The following KAZN variants were observed in gnomAD, a reference collection of about 807,000 sequenced individuals.
KAZN encodes kazrin.
In KAZN, 40 loss-of-function variants were observed where a neutral mutation model predicts 87.4. The ratio of observed to expected loss-of-function variants is 0.46; its 90% CI spans 0.36 to 0.60. The LOEUF is 0.60. Ranked by LOEUF, KAZN falls within the 20% of genes least tolerant of loss-of-function variation. The pLI, the probability that KAZN is intolerant of heterozygous loss-of-function variation, is 0.00. For missense variants in KAZN, 898 were observed against 1,073.9 expected (o/e 0.84, Z 2.29); for synonymous variants, 466 against 458.3 (o/e 1.02, Z -0.22).
At chr1:15,107,954 G>C (rs985498740) in intron 13 of KAZN, among the ~76,000 whole-genome samples, 5 of 152,180 alleles carry the variant, frequency 3.3e-5, no homozygotes, top group African/African-American at 1.2e-4. Context: ...GGCAGTAACT[G>C]AGAGCTTCTG....
At chr1:14,547,963 C>T (rs191502506) in intron 2 of KAZN, among the ~76,000 whole-genome samples, 126 of 151,628 alleles carry the variant, frequency 8.3e-4, no homozygotes, top group African/African-American at 3.0e-3. Context: ...ATTTTGGATT[C>T]CCTGGGCCAC....
rs1338776154 is a variant in KAZN, at chr1:14,681,613, GTATATATATATATATATATA to G, written c.226+82416_226+82435del. On this transcript the variant is annotated intron_variant, in intron 1 of 14. Transcript: ENST00000376030. ...TTTAACTATATATATATGTATATGT[GTATATATATATATATATATA>G]TATATATATATATATATATATATAT... Among the ~76,000 whole-genome samples, 262 of 29,066 alleles carry G rather than the reference GTATATATATATATATATATA, an allele frequency of 9.0e-3. 1 individual carries two copies. Among genetic ancestry groups the G allele is most frequent in the South Asian group, 0.052 (35 of 676 alleles). The allele number at this position is 29,066 out of a possible 152,430, so 19.1% of individuals were successfully genotyped here. A position where few individuals can be genotyped will look rare whatever the true frequency, so the allele number is the denominator to read the frequency against.
At chr1:14,278,294 T>C (rs1358682578) in intron 2 of KAZN, among the ~76,000 whole-genome samples, 1 of 148,674 alleles carries the variant, frequency 6.7e-6, no homozygotes, top group Non-Finnish European at 1.5e-5. Flanking sequence ...CTGATTCCTT[T>C]TTTTTTTTTT....
chr1:14,065,511 G>A (rs1642972753), intron 1 of KAZN, among the ~76,000 whole-genome samples: 1 of 150,296 alleles, frequency 6.7e-6, no homozygotes, highest in African/African-American at 2.5e-5. Flanking sequence ...TTCTAAGCAC[G>A]CATAAGCTAC....
chr1:14,215,279 A>G (rs1646935942), intron 2 of KAZN, among the ~76,000 whole-genome samples: 2 of 152,190 alleles, frequency 1.3e-5, no homozygotes, highest in African/African-American at 4.8e-5. Flanking sequence ...TTGTCATTAC[A>G]GGTTATTCAT....
chr1:15,110,819 A>T (rs1422779235), intron 13 of KAZN, among the ~76,000 whole-genome samples: 3 of 152,192 alleles, frequency 2.0e-5, no homozygotes, highest in Admixed American at 6.5e-5. Flanking sequence ...TTTGGACAAG[A>T]CACACCCCCT....
chr1:14,228,479 A>AAGCAG (rs1157338328), intron 2 of KAZN, among the ~76,000 whole-genome samples: 1 of 152,168 alleles, frequency 6.6e-6, no homozygotes, highest in Admixed American at 6.5e-5. Flanking sequence ...GAGGGGATAG[A>AAGCAG]AGCAGTGTTC....
Position 15,060,399 on chromosome 1 carries a change from C to T in KAZN, c.1047+97C>T, listed in dbSNP as rs527410833. The stretch of plus-strand genomic sequence containing the variant: ...TGAAGCCATACTCGCTGTTTCCTCT[C>T]GTCCACCCAGGGAGCACTCTGGCGA... On this transcript the variant is annotated intron_variant, in intron 6 of 14. Transcript: ENST00000376030. The T allele has an allele frequency of 3.9e-5, 58 of 1,503,244 alleles. No homozygotes were observed. In the Admixed American group the frequency reaches 4.8e-4, roughly 13 times the overall value. The allele number at this position is 1,503,244 out of a possible 1,614,324, so 93.1% of individuals were successfully genotyped here. A position where few individuals can be genotyped will look rare whatever the true frequency, so the allele number is the denominator to read the frequency against.
chr1:14,873,105 CAGATAGATGAATGGATGG>C, intron 1 of KAZN, among the ~76,000 whole-genome samples: 1 of 72,954 alleles, frequency 1.4e-5, no homozygotes, highest in Admixed American at 1.8e-4. Flanking sequence ...GATGGATGGA[CAGATAGATGAATGGATGG>C]GTGGATGGAT....
At chr1:15,109,385 C>G (rs955707992) in intron 13 of KAZN, among the ~76,000 whole-genome samples, 2 of 152,148 alleles carry the variant, frequency 1.3e-5, no homozygotes, top group African/African-American at 2.4e-5. Context: ...AAAAAAAGAT[C>G]AGGGCTGCTT....
chr1:14,525,239 C>T (rs377105153), intron 2 of KAZN, among the ~76,000 whole-genome samples: 2 of 152,388 alleles, frequency 1.3e-5, no homozygotes, highest in African/African-American at 4.8e-5. Flanking sequence ...CTATTCTTAG[C>T]TTGCCAGCCA....
Position 14,598,923 on chromosome 1 carries a change from G to A in KAZN, c.-75G>A, listed in dbSNP as rs760556116. On this transcript the variant is annotated 5_prime_UTR_variant, in exon 1 of 15. It adds an upstream start codon to the 5' untranslated region. Transcript: ENST00000376030. This position sits in a 1 kb window ranked among gnomAD's most constrained non-coding sequence, Gnocchi z 4.2. Reference sequence around the variant, plus strand: ...GAGGACACAACAGGTAGAGCCGGGGGTGCCCGGCCGCGCGCCCCCCGCGCA... The same window carrying A: ...GAGGACACAACAGGTAGAGCCGGGGATGCCCGGCCGCGCGCCCCCCGCGCA... 1.3e-6 allele frequency: 2 copies of A among 1,552,578 alleles called. No homozygotes were observed. Among genetic ancestry groups the A allele is most frequent in the East Asian group, 5.4e-5 (2 of 37,288 alleles).
chr1:14,134,408 G>A (rs2101745030), intron 1 of KAZN, among the ~76,000 whole-genome samples: 1 of 152,246 alleles, frequency 6.6e-6, no homozygotes, highest in South Asian at 2.1e-4. Context: ...TTTTAGAGAG[G>A]TGATCTCGTT....
rs202167895 is a variant in KAZN, at chr1:15,060,308, G to A, written c.1047+6G>A. The A allele has an allele frequency of 1.2e-6, 2 of 1,614,078 alleles. No homozygotes were observed. The highest frequency in any genetic ancestry group is 3.3e-5 in the Admixed American group (2 of 60,034). On this transcript the variant is annotated splice_donor_region_variant and intron_variant, in intron 6 of 14. Coordinates refer to ENST00000376030, the MANE Select transcript of KAZN (RefSeq NM_201628.3). ...GGACACACTCCCTCTGCAACGTAAG[G>A]CCAGCAGCAGCGGGGCCTGGGCCCC...
At chr1:14,159,858 G>A (rs902948797) in intron 1 of KAZN, among the ~76,000 whole-genome samples, 1 of 152,190 alleles carries the variant, frequency 6.6e-6, no homozygotes, top group Non-Finnish European at 1.5e-5. Flanking sequence ...CAGAGCAGCA[G>A]GTTCCCTTCT....
chr1:14,231,473 T>C (rs1385939523), intron 2 of KAZN, among the ~76,000 whole-genome samples: 3 of 152,116 alleles, frequency 2.0e-5, no homozygotes, highest in African/African-American at 7.2e-5. Flanking sequence ...GCCGCCAGCA[T>C]AGGTAATATA....
chr1:14,513,647 G>A (rs1159526765), intron 2 of KAZN, among the ~76,000 whole-genome samples: 3 of 151,984 alleles, frequency 2.0e-5, no homozygotes, highest in Non-Finnish European at 2.9e-5. Context: ...CCTAAATGCC[G>A]GATATTTTAT....
At chr1:14,979,626 G>A (rs75339237) in intron 2 of KAZN, among the ~76,000 whole-genome samples, 3,212 of 152,074 alleles carry the variant, frequency 0.021, 122 homozygotes, top group African/African-American at 0.074. Flanking sequence ...TCCAAGGATG[G>A]GGAGGCCTCC....
intron 1 of KAZN, among the ~76,000 whole-genome samples, chr1:14,921,165 C>CAT (rs1402299976): frequency 6.6e-6 from 1 of 151,356 alleles, no homozygotes; most frequent in Non-Finnish European, 1.5e-5. Context: ...CACACACACA[C>CAT]ACACACACAC....
Sources: allele counts gnomAD v4.1 joint callset (sites outside exome capture counted in the v4.1 genomes callset), GRCh38; gene constraint gnomAD v4.1.1; non-coding constraint Gnocchi (gnomAD v3.1); transcripts MANE v1.5; gene names NCBI Gene and HGNC (gene_info 2026-07-23, HGNC 2026-07-21).